Variants in RBFOX1 observed in about 807,000 individuals in gnomAD.
RBFOX1 encodes RNA binding fox-1 homolog 1.
In RBFOX1, 8 loss-of-function variants were observed where a neutral mutation model predicts 57.7. That is an observed-to-expected ratio of 0.14 (90% CI 0.08 to 0.25). The LOEUF (loss-of-function observed/expected upper bound fraction) is 0.25. Among genes scored for constraint, RBFOX1 ranks in the 10% least tolerant of loss-of-function variants. The probability of loss-of-function intolerance (pLI) is 1.00; values close to 1 mark genes in which losing one functional copy is unlikely to be tolerated. For synonymous variants in RBFOX1, 326 were observed against 222.4 expected, an observed-to-expected ratio of 1.47 and a Z score of -4.15; for missense variants, 611 against 548.5, an observed-to-expected ratio of 1.11 and a Z score of -1.14.
chr16:7,463,059 A>G (rs748548481), intron 4 of RBFOX1, among the ~76,000 whole-genome samples: 2 of 152,170 alleles, frequency 1.3e-5, no homozygotes, highest in Non-Finnish European at 2.9e-5. Context: ...ACAGAAATTC[A>G]TTGCTCACAG....
chr16:6,855,536 C>A (rs1349768375), intron 3 of RBFOX1, among the ~76,000 whole-genome samples: 1 of 151,594 alleles, frequency 6.6e-6, no homozygotes, highest in Non-Finnish European at 1.5e-5. Context: ...GCCTGTAGTC[C>A]CAGCTACTGG....
At chr16:7,070,460 G>C (rs1279294537) in intron 4 of RBFOX1, among the ~76,000 whole-genome samples, 2 of 152,120 alleles carry the variant, frequency 1.3e-5, no homozygotes, top group East Asian at 1.9e-4. Flanking sequence ...TGGCAATTTT[G>C]TGGTGTTATT....
chr16:7,588,886 C>T (rs2094284156), intron 7 of RBFOX1, among the ~76,000 whole-genome samples: 1 of 152,170 alleles, frequency 6.6e-6, no homozygotes, highest in African/African-American at 2.4e-5. Flanking sequence ...ATTTTCTCCT[C>T]CATGGCCAGA....
chr16:6,043,602 G>C (rs1413541990), intron 1 of RBFOX1, among the ~76,000 whole-genome samples: 1 of 152,200 alleles, frequency 6.6e-6, no homozygotes, highest in Non-Finnish European at 1.5e-5. Flanking sequence ...CCCTTTTGGC[G>C]ATGGCCAGAA....
At chr16:5,494,186 C>G (rs1434310290) in intron 2 of RBFOX1, among the ~76,000 whole-genome samples, 1 of 152,186 alleles carries the variant, frequency 6.6e-6, no homozygotes, top group East Asian at 1.9e-4. Context: ...CTTAATATGC[C>G]TTCTTCCCAG....
chr16:7,151,629 C>T lies in RBFOX1; in HGVS notation c.27+99531C>T, dbSNP rs115641811. ...GAATGATTTCAGGATGATTTAAGTC[C>T]TTTACATTTATTGTGCACTTTATTT... On this transcript the variant is annotated intron_variant, in intron 4 of 15. Coordinates refer to ENST00000550418, the MANE Select transcript of RBFOX1 (RefSeq NM_018723.4). 8.0e-3 allele frequency among the ~76,000 whole-genome samples: 1,215 copies of T among 152,152 alleles called. 19 individuals carry two copies. Among genetic ancestry groups the T allele is most frequent in the African/African-American group, 0.028 (1,145 of 41,502 alleles).
intron 4 of RBFOX1, among the ~76,000 whole-genome samples, chr16:7,362,603 G>A (rs1348004514): frequency 6.6e-6 from 1 of 151,828 alleles, no homozygotes. Flanking sequence ...GGATGTTCTT[G>A]TGTATATGTT....
At chr16:5,540,227 G>T (rs1451579365) in intron 2 of RBFOX1, among the ~76,000 whole-genome samples, 1 of 152,166 alleles carries the variant, frequency 6.6e-6, no homozygotes, top group Non-Finnish European at 1.5e-5. Flanking sequence ...TTTGAGCATA[G>T]AATTCTCCAA....
intron 3 of RBFOX1, among the ~76,000 whole-genome samples, chr16:6,742,586 T>C (rs1366352415): frequency 2.0e-5 from 3 of 152,092 alleles, no homozygotes; most frequent in Non-Finnish European, 2.9e-5. Context: ...ACAACCAAAA[T>C]ATCTACAGTA....
rs146304650 is a variant in RBFOX1, at chr16:7,244,949, C to T, written c.27+192851C>T. On this transcript the variant is annotated intron_variant, in intron 4 of 15. Transcript: ENST00000550418. ...TTCATGTCAGAGGCACAGTAGGGAG[C>T]AGTGGGGATTGTGGCAAAGTGAGGA... 3.3e-5 allele frequency among the ~76,000 whole-genome samples: 5 copies of T among 152,308 alleles called. No homozygotes were observed. In the East Asian group the frequency reaches 9.6e-4, roughly 29 times the overall value.
intron 2 of RBFOX1, among the ~76,000 whole-genome samples, chr16:6,441,771 C>G (rs1804325046): frequency 6.6e-6 from 1 of 152,068 alleles, no homozygotes; most frequent in African/African-American, 2.4e-5. Context: ...CAGGATATAG[C>G]CCATGTTTTA....
At chr16:5,674,259 C>G (rs2151423099) in intron 3 of RBFOX1, among the ~76,000 whole-genome samples, 1 of 152,244 alleles carries the variant, frequency 6.6e-6, no homozygotes, top group Middle Eastern at 3.4e-3. Context: ...TTGAATTTAA[C>G]CTGATTTAGG....
chr16:7,589,771 G>C (rs2094336960), intron 7 of RBFOX1, among the ~76,000 whole-genome samples: 1 of 151,818 alleles, frequency 6.6e-6, no homozygotes, highest in African/African-American at 2.4e-5. Context: ...TGTTGCTATG[G>C]CCTCATTTTC....
At chr16:5,747,418 T>A (rs1156459570) in intron 3 of RBFOX1, among the ~76,000 whole-genome samples, 1 of 152,192 alleles carries the variant, frequency 6.6e-6, no homozygotes, top group East Asian at 1.9e-4. Context: ...TAGGGAGGAT[T>A]CCCTCTTTTT....
intron 3 of RBFOX1, among the ~76,000 whole-genome samples, chr16:5,703,957 A>T (rs17432899): frequency 0.21 from 31,316 of 152,136 alleles, 4,516 homozygotes; most frequent in East Asian, 0.65. Context: ...CATGATTATT[A>T]TGCCCAGGTT....
intron 3 of RBFOX1, among the ~76,000 whole-genome samples, chr16:6,952,427 G>C (rs527856340): frequency 1.1e-4 from 17 of 152,232 alleles, no homozygotes; most frequent in African/African-American, 3.9e-4. Flanking sequence ...CAGGAGGATT[G>C]CTTGAGCCCA....
intron 4 of RBFOX1, among the ~76,000 whole-genome samples, chr16:5,956,340 T>C (rs1015673245): frequency 7.2e-5 from 11 of 152,062 alleles, no homozygotes; most frequent in Non-Finnish European, 1.0e-4. Context: ...ACATAAACAA[T>C]GAATAAATTT....
intron 3 of RBFOX1, among the ~76,000 whole-genome samples, chr16:6,968,587 A>G (rs904085925): frequency 6.6e-6 from 1 of 152,108 alleles, no homozygotes; most frequent in Non-Finnish European, 1.5e-5. Context: ...GTGAAGGTGT[A>G]GATGATGGAT....
At chr16:6,172,476 C>G (rs1400041016) in intron 1 of RBFOX1, among the ~76,000 whole-genome samples, 1 of 152,142 alleles carries the variant, frequency 6.6e-6, no homozygotes, top group East Asian at 1.9e-4. Flanking sequence ...GGCTGTCAAC[C>G]AAAAATTGCC....
Sources: gnomAD v4.1 joint callset for allele counts (sites outside exome capture counted in the v4.1 genomes callset) on GRCh38, gnomAD v4.1.1 for gene constraint, MANE v1.5 for transcripts, NCBI Gene and HGNC (gene_info 2026-07-23, HGNC 2026-07-21) for gene names.